The following MEGF8 variants were observed in gnomAD, a reference collection of about 807,000 sequenced individuals.
MEGF8 encodes multiple EGF like domains 8.
A neutral mutation model predicts 302.9 loss-of-function variants in MEGF8; 156 were observed. The ratio of observed to expected loss-of-function variants is 0.52; its 90% CI spans 0.45 to 0.59. The LOEUF (loss-of-function observed/expected upper bound fraction) is 0.59. Ranked by LOEUF, MEGF8 falls within the 20% of genes least tolerant of loss-of-function variation. MEGF8 has a pLI of 0.00. For missense variants in MEGF8, 3,345 were observed against 3,964.5 expected (o/e 0.84, Z 4.20); for synonymous variants, 1,621 against 1,660.5 (o/e 0.98, Z 0.58).
At chr19:42,350,598 T>C (rs1486278701) in intron 15 of MEGF8, among the ~76,000 whole-genome samples, 1 of 152,112 alleles carries the variant, frequency 6.6e-6, no homozygotes, top group Admixed American at 6.5e-5. Context: ...AGAATGCAAC[T>C]CCATCCTTTT....
In MEGF8 at chr19:42,357,155, C is replaced by T. The variant is rs961208160; in HGVS notation, c.4830+174C>T. Among the ~76,000 whole-genome samples, 2 of 152,202 alleles carry T rather than the reference C, an allele frequency of 1.3e-5. No homozygotes were observed. The highest frequency in any genetic ancestry group is 4.8e-5 in the African/African-American group (2 of 41,460). On this transcript the variant is annotated intron_variant, in intron 27 of 41. Coordinates refer to ENST00000251268, the MANE Select transcript of MEGF8 (RefSeq NM_001271938.2). The surrounding 1 kb of genome is among the most constrained non-coding windows in gnomAD (Gnocchi z 5.2). ...GAGCCAGTCCTGGGCTGGGACACAG[C>T]TTCACTCAGCAGCAGAGAGAGGCCA...
At position 42,353,970 on chromosome 19, in the gene MEGF8, C is replaced by G. The variant is rs754753739; in HGVS notation, c.3957C>G (p.Thr1319=). 3 of 1,582,022 alleles carry G rather than the reference C, an allele frequency of 1.9e-6. No individual in the cohort carries two copies. Among genetic ancestry groups the G allele is most frequent in the Non-Finnish European group, 2.6e-6 (3 of 1,164,404 alleles). The change falls in exon 22 of 42, where the codon ACC becomes ACG. Residue 1319 remains threonine, a synonymous_variant. Coordinates refer to ENST00000251268, the MANE Select transcript of MEGF8 (RefSeq NM_001271938.2). This position sits in a 1 kb window ranked among gnomAD's most constrained non-coding sequence, Gnocchi z 6.1. ...TEELQPCAPG[T]LCPPLTLTFS... ...AGCTACAGCCCTGTGCTCCCGGGACCCTCTGTCCCCCACTCACCCTCACCT... is the reference window on the plus strand; with the variant it reads ...AGCTACAGCCCTGTGCTCCCGGGACGCTCTGTCCCCCACTCACCCTCACCT...
intron 8 of MEGF8, among the ~76,000 whole-genome samples, chr19:42,337,754 C>T (rs548679048): frequency 4.4e-4 from 67 of 152,142 alleles, no homozygotes; most frequent in Non-Finnish European, 6.5e-4. Context: ...GATCTGCCCG[C>T]CTCGGCCTCC....
chr19:42,375,254 G>C lies in MEGF8; in HGVS notation c.7270-253G>C, dbSNP rs925763676. 5.3e-5 allele frequency among the ~76,000 whole-genome samples: 8 copies of C among 152,188 alleles called. No individual in the cohort carries two copies. Among genetic ancestry groups the C allele is most frequent in the African/African-American group, 1.2e-4 (5 of 41,448 alleles). ...ACTGCTGTGCCTCAGAGTGCCAGAG[G>C]CCTCAGTATCAGGGTGCTCAGGTCA... On this transcript the variant is annotated intron_variant, in intron 41 of 41. Coordinates refer to ENST00000251268, the MANE Select transcript of MEGF8 (RefSeq NM_001271938.2). This position sits in a 1 kb window ranked among gnomAD's most constrained non-coding sequence, Gnocchi z 7.1.
intron 5 of MEGF8, 64 bp downstream of exon 5, chr19:42,335,449 C>T (rs943715000): frequency 1.6e-4 from 238 of 1,463,284 alleles, no homozygotes; most frequent in South Asian, 5.9e-4. Context: ...CGGGGACCCC[C>T]GGAATGATCC....
At chr19:42,349,013 C>G (rs1226347123) in intron 13 of MEGF8, among the ~76,000 whole-genome samples, 3 of 152,150 alleles carry the variant, frequency 2.0e-5, no homozygotes, top group Admixed American at 6.5e-5. Flanking sequence ...TGAAAGGCCC[C>G]TGAAGGCTGG....
intron 41 of MEGF8, among the ~76,000 whole-genome samples, chr19:42,373,714 T>G (rs1197571839): frequency 6.8e-6 from 1 of 146,020 alleles, no homozygotes; most frequent in Non-Finnish European, 1.5e-5. Context: ...GGGTTTTTTT[T>G]TTTTTTTTTT....
Position 42,352,475 on chromosome 19 carries a change from G to A in MEGF8, c.3350+19G>A. The A allele has an allele frequency of 6.4e-7, 1 of 1,566,314 alleles. No individual in the cohort carries two copies. The highest frequency in any genetic ancestry group is 8.7e-7 in the Non-Finnish European group (1 of 1,150,464). The stretch of plus-strand genomic sequence containing the variant: ...ACCGCACGTGAGTGAGGCGGGGGTT[G>A]CTATGGAGATGTTGCCCCAGGCTGG... On this transcript the variant is annotated intron_variant, in intron 19 of 41. Coordinates refer to ENST00000251268, the MANE Select transcript of MEGF8 (RefSeq NM_001271938.2). This position sits in a 1 kb window ranked among gnomAD's most constrained non-coding sequence, Gnocchi z 4.4.
At chr19:42,348,725 A>G (rs1008797271) in intron 13 of MEGF8, among the ~76,000 whole-genome samples, 1 of 152,168 alleles carries the variant, frequency 6.6e-6, no homozygotes, top group African/African-American at 2.4e-5. Flanking sequence ...TCAGCCTCCC[A>G]CGTAGCTGGG....
chr19:42,336,414 C>T lies in MEGF8; in HGVS notation c.1244+68C>T. ...CAGCTCAACACCATAGGCCTTTAGT[C>T]TTTAGAGGTCTTTGCCCACTGTCGG... On this transcript the variant is annotated intron_variant, in intron 6 of 41. Coordinates refer to ENST00000251268, the MANE Select transcript of MEGF8 (RefSeq NM_001271938.2). The surrounding 1 kb of genome is among the most constrained non-coding windows in gnomAD (Gnocchi z 4.8). 1 of 1,435,728 alleles carries T rather than the reference C, an allele frequency of 7.0e-7. No homozygotes were observed. Among genetic ancestry groups the T allele is most frequent in the Non-Finnish European group, 9.2e-7 (1 of 1,084,022 alleles). The allele number at this position is 1,435,728 out of a possible 1,614,324, so 88.9% of individuals were successfully genotyped here.
Position 42,334,074 on chromosome 19 carries a change from C to A in MEGF8, c.419C>A (p.Ser140Tyr), listed in dbSNP as rs2147446840. The change falls in exon 3 of 42, where the codon TCC (serine) becomes TAC (tyrosine). Residue 140 changes from serine to tyrosine, a missense_variant. Coordinates refer to ENST00000251268, the MANE Select transcript of MEGF8 (RefSeq NM_001271938.2). Reference sequence around the variant, plus strand: ...GGCTTTAACGCCTCATTCCGCTTCTCCCTGTGCCCGGGTGGCTGCCAGAGC... The same window carrying A: ...GGCTTTAACGCCTCATTCCGCTTCTACCTGTGCCCGGGTGGCTGCCAGAGC... ...LLGFNASFRF[S>Y]LCPGGCQSHG... 2 of 1,613,794 alleles carry A rather than the reference C, an allele frequency of 1.2e-6. No homozygotes were observed. Among genetic ancestry groups the A allele is most frequent in the African/African-American group, 1.3e-5 (1 of 75,058 alleles).
In MEGF8 at chr19:42,376,041, C is replaced by T. The variant is rs2039764814; in HGVS notation, c.7804C>T (p.His2602Tyr). Reference protein sequence around the residue: ...VRDRLVITYPHEHHALKSSRF... With the variant: ...VRDRLVITYPYEHHALKSSRF... ...GGACCGGCTGGTCATCACCTACCCA[C>T]ACGAGCACCATGCCCTCAAGTCGAG... The change falls in exon 42 of 42, where the codon CAC (histidine) becomes TAC (tyrosine). Residue 2602 changes from histidine to tyrosine, a missense_variant. Physicochemically the swap from His to Tyr is moderately conservative, Grantham distance 83. Coordinates refer to ENST00000251268, the MANE Select transcript of MEGF8 (RefSeq NM_001271938.2). This position sits in a 1 kb window ranked among gnomAD's most constrained non-coding sequence, Gnocchi z 8.2. 1 of 1,603,992 alleles carries T rather than the reference C, an allele frequency of 6.2e-7. No homozygotes were observed. Among genetic ancestry groups the T allele is most frequent in the Admixed American group, 1.7e-5 (1 of 59,778 alleles).
Position 42,356,601 on chromosome 19 carries a change from G to C in MEGF8, c.4622+148G>C. ...GACACTTGTCACAGGAAGCTCACCC[G>C]GGGACACTTGGGGACCAGGGTACTT... On this transcript the variant is annotated intron_variant, in intron 26 of 41. Coordinates refer to ENST00000251268, the MANE Select transcript of MEGF8 (RefSeq NM_001271938.2). The surrounding 1 kb of genome is among the most constrained non-coding windows in gnomAD (Gnocchi z 5.2). 1 of 933,252 alleles carries C rather than the reference G, an allele frequency of 1.1e-6. No homozygotes were observed. Among genetic ancestry groups the C allele is most frequent in the Admixed American group, 2.8e-5 (1 of 35,164 alleles). The allele number at this position is 933,252 out of a possible 1,614,324, so 57.8% of individuals were successfully genotyped here.
In MEGF8 at chr19:42,356,596, C is replaced by T; in HGVS notation, c.4622+143C>T. On this transcript the variant is annotated intron_variant, in intron 26 of 41. Coordinates refer to ENST00000251268, the MANE Select transcript of MEGF8 (RefSeq NM_001271938.2). The surrounding 1 kb of genome is among the most constrained non-coding windows in gnomAD (Gnocchi z 5.2). ...GCTGGGACACTTGTCACAGGAAGCTCACCCGGGGACACTTGGGGACCAGGG... is the reference window on the plus strand; with the variant it reads ...GCTGGGACACTTGTCACAGGAAGCTTACCCGGGGACACTTGGGGACCAGGG... 1.1e-6 allele frequency: 1 copy of T among 946,864 alleles called. No individual in the cohort carries two copies. The highest frequency in any genetic ancestry group is 1.5e-6 in the Non-Finnish European group (1 of 649,078). The allele number at this position is 946,864 out of a possible 1,614,324, so 58.7% of individuals were successfully genotyped here.
Position 42,351,094 on chromosome 19 carries a change from TGGG to T in MEGF8, c.2737-120_2737-118del. 1.2e-6 allele frequency: 1 copy of T among 838,130 alleles called. No individual in the cohort carries two copies. Among genetic ancestry groups the T allele is most frequent in the Non-Finnish European group, 1.8e-6 (1 of 543,140 alleles). The allele number at this position is 838,130 out of a possible 1,614,324, so 51.9% of individuals were successfully genotyped here. A position where few individuals can be genotyped will look rare whatever the true frequency, so the allele number is the denominator to read the frequency against. On this transcript the variant is annotated intron_variant, in intron 15 of 41. Transcript: ENST00000251268. This position sits in a 1 kb window ranked among gnomAD's most constrained non-coding sequence, Gnocchi z 5.6. ...GGAGGGGTCCAGAGACGCAGGCAGC[TGGG>T]GAGGGAGATGGCCTTACAGGGACAG... is the stretch of plus-strand genomic sequence containing the variant.
Position 42,351,699 on chromosome 19 carries a change from T to A in MEGF8, c.3039T>A (p.His1013Gln). The A allele has an allele frequency of 6.3e-7, 1 of 1,596,300 alleles. No individual in the cohort carries two copies. Among genetic ancestry groups the A allele is most frequent in the Non-Finnish European group, 8.5e-7 (1 of 1,171,990 alleles). ...GCTGCGATGGCTTCCTGACCTGCCA[T>A]GAGTGTCTGCAGAGCCACGAGTGTG... ...CRSCDGFLTC[H>Q]ECLQSHECGW... is the part of the protein sequence containing the mutation. The change falls in exon 18 of 42, where the codon CAT becomes CAA. Residue 1013 changes from histidine (H) to glutamine (Q), a missense_variant. Coordinates refer to ENST00000251268, the MANE Select transcript of MEGF8 (RefSeq NM_001271938.2). This position sits in a 1 kb window ranked among gnomAD's most constrained non-coding sequence, Gnocchi z 5.6.
In MEGF8 at chr19:42,358,171, A is replaced by G; in HGVS notation, c.5039A>G (p.His1680Arg). 6.3e-7 allele frequency: 1 copy of G among 1,597,906 alleles called. No individual in the cohort carries two copies. The highest frequency in any genetic ancestry group is 8.5e-7 in the Non-Finnish European group (1 of 1,173,114). ...TGLYGHSAVY[H>R]EATDSLYVFG... Reference sequence around the variant, plus strand: ...CTCTATGGTCACTCTGCTGTCTACCACGAGGCCACCGACTCCCTCTACGTG... The same window carrying G: ...CTCTATGGTCACTCTGCTGTCTACCGCGAGGCCACCGACTCCCTCTACGTG... Residue 1680 changes from histidine (H) to arginine (R), a missense_variant, in exon 29 of 42, where the codon CAC (histidine) becomes CGC (arginine). Coordinates refer to ENST00000251268, the MANE Select transcript of MEGF8 (RefSeq NM_001271938.2). The surrounding 1 kb of genome is among the most constrained non-coding windows in gnomAD (Gnocchi z 4.4).
chr19:42,344,936 T>C lies in MEGF8; in HGVS notation c.2097+103T>C. 8.2e-7 allele frequency: 1 copy of C among 1,219,738 alleles called. No homozygotes were observed. The highest frequency in any genetic ancestry group is 1.1e-6 in the Non-Finnish European group (1 of 915,204). The allele number at this position is 1,219,738 out of a possible 1,614,324, so 75.6% of individuals were successfully genotyped here. A position where few individuals can be genotyped will look rare whatever the true frequency, so the allele number is the denominator to read the frequency against. ...ATCACTCTTATGTTTACTCCAAAAC[T>C]CTTTACATTCAAGGGTCTTATTTTC... On this transcript the variant is annotated intron_variant, in intron 12 of 41. Transcript: ENST00000251268. The surrounding 1 kb of genome is among the most constrained non-coding windows in gnomAD (Gnocchi z 4.5).
In MEGF8 at chr19:42,348,577, G is replaced by A. The variant is rs943974526; in HGVS notation, c.2298+105G>A. 52 of 1,135,492 alleles carry A rather than the reference G, an allele frequency of 4.6e-5. 1 individual carries two copies. In the African/African-American group the frequency reaches 6.9e-4, roughly 15 times the overall value. 70.3% of individuals were successfully genotyped at this position (1,135,492 alleles called of 1,614,324 possible). On this transcript the variant is annotated intron_variant, in intron 13 of 41. Coordinates refer to ENST00000251268, the MANE Select transcript of MEGF8 (RefSeq NM_001271938.2). Reference sequence around the variant, plus strand: ...TTTGAAGGTTCTGGGGAAGGGCTGGGGAGAAATTAGAGGCAGGAGATGGAT... The same window carrying A: ...TTTGAAGGTTCTGGGGAAGGGCTGGAGAGAAATTAGAGGCAGGAGATGGAT...
Sources: allele counts gnomAD v4.1 joint callset (sites outside exome capture counted in the v4.1 genomes callset), GRCh38; gene constraint gnomAD v4.1.1; non-coding constraint Gnocchi (gnomAD v3.1); transcripts MANE v1.5; gene names NCBI Gene and HGNC (gene_info 2026-07-23, HGNC 2026-07-21).